Variants in CNTNAP2 observed in about 807,000 individuals in gnomAD.
CNTNAP2 encodes contactin associated protein 2, also known as contactin-associated protein-like 2.
CNTNAP2 carries 98 observed loss-of-function variants against 155.2 expected under a neutral mutation model. That is an observed-to-expected ratio of 0.63 (90% confidence interval 0.54 to 0.75). CNTNAP2 has a LOEUF of 0.75. Among genes scored for constraint, CNTNAP2 ranks in the 30% least tolerant of loss-of-function variants. CNTNAP2 has a pLI of 0.00. For missense variants in CNTNAP2, 1,727 were observed against 1,688.1 expected (o/e 1.02, Z -0.40); for synonymous variants, 651 against 631.2 (o/e 1.03, Z -0.47).
At chr7:146,908,425 A>G (rs1309490367) in intron 3 of CNTNAP2, among the ~76,000 whole-genome samples, 3 of 145,966 alleles carry the variant, frequency 2.1e-5, no homozygotes, top group African/African-American at 7.6e-5. Context: ...AGCAAATGTA[A>G]AAGAACAGAA....
At chr7:148,119,034 C>T (rs1304912042) in intron 16 of CNTNAP2, among the ~76,000 whole-genome samples, 1 of 152,090 alleles carries the variant, frequency 6.6e-6, no homozygotes, top group Non-Finnish European at 1.5e-5. Flanking sequence ...ATCAGGGCCC[C>T]AATTCAGCTT....
chr7:148,108,766 C>T, intron 15 of CNTNAP2, among the ~76,000 whole-genome samples: 1 of 152,120 alleles, frequency 6.6e-6, no homozygotes, highest in Non-Finnish European at 1.5e-5. Flanking sequence ...AGTTGTATTG[C>T]ACAGCTTGGT....
At chr7:147,870,144 A>G (rs10233755) in intron 13 of CNTNAP2, among the ~76,000 whole-genome samples, 90,969 of 151,970 alleles carry the variant, frequency 0.6, 27,532 homozygotes, top group South Asian at 0.7. Flanking sequence ...CAAGACAAGA[A>G]TATATGTGCA....
intron 10 of CNTNAP2, among the ~76,000 whole-genome samples, chr7:147,461,168 A>AAAAC (rs983842132): frequency 2.8e-4 from 42 of 152,338 alleles, no homozygotes; most frequent in African/African-American, 9.4e-4. Flanking sequence ...AGTAATGACA[A>AAAAC]AAACAATAGA....
rs1481632043 is a variant in CNTNAP2 at position 147,319,842 on chromosome 7, A to G, written c.1498+19552A>G. Among the ~76,000 whole-genome samples, 4 of 152,206 alleles carry G rather than the reference A, an allele frequency of 2.6e-5. No individual in the cohort carries two copies. In the East Asian group the frequency reaches 5.8e-4, roughly 22 times the overall value. On this transcript the variant is annotated intron_variant, in intron 9 of 23. Coordinates refer to ENST00000361727, the MANE Select transcript of CNTNAP2 (RefSeq NM_014141.6). ...ATTTAAACTGGATGAAGGGGCTGGT[A>G]TGGCATTTTGTGGTTTCACGAAGTA... is the stretch of plus-strand genomic sequence containing the variant.
At chr7:148,108,976 A>G (rs921355996) in intron 15 of CNTNAP2, among the ~76,000 whole-genome samples, 1 of 152,170 alleles carries the variant, frequency 6.6e-6, no homozygotes, top group Non-Finnish European at 1.5e-5. Context: ...TCAATTTATG[A>G]TTTCTAAAAA....
intron 21 of CNTNAP2, among the ~76,000 whole-genome samples, chr7:148,327,662 A>G (rs1427288761): frequency 6.6e-6 from 1 of 152,216 alleles, no homozygotes. Flanking sequence ...AAGTGGGATT[A>G]TGTGTCTCCT....
At chr7:148,144,869 C>A (rs1296525434) in intron 16 of CNTNAP2, among the ~76,000 whole-genome samples, 2 of 152,132 alleles carry the variant, frequency 1.3e-5, no homozygotes, top group Admixed American at 6.5e-5. Flanking sequence ...TATTCGCTCA[C>A]TCTCTCTATA....
intron 3 of CNTNAP2, among the ~76,000 whole-genome samples, chr7:147,023,422 A>G (rs961242441): frequency 6.6e-6 from 1 of 152,192 alleles, no homozygotes; most frequent in Non-Finnish European, 1.5e-5. Context: ...AAGACTTTAG[A>G]GAGATGCCGT....
chr7:146,335,891 T>C lies in CNTNAP2; in HGVS notation c.97+218918T>C, dbSNP rs1801265981. ...AACAAGGAACACAAAATTAAAAATATAAAACATGATATAAAAGTAAATATT... is the reference window on the plus strand; with the variant it reads ...AACAAGGAACACAAAATTAAAAATACAAAACATGATATAAAAGTAAATATT... On this transcript the variant is annotated intron_variant, in intron 1 of 23. Transcript: ENST00000361727. 5.3e-5 allele frequency among the ~76,000 whole-genome samples: 8 copies of C among 151,970 alleles called. 1 individual carries two copies. Among genetic ancestry groups the C allele is most frequent in the Admixed American group, 3.9e-4 (6 of 15,260 alleles).
At chr7:148,183,574 T>C (rs986972627) in intron 18 of CNTNAP2, among the ~76,000 whole-genome samples, 1 of 146,486 alleles carries the variant, frequency 6.8e-6, no homozygotes, top group Non-Finnish European at 1.5e-5. Flanking sequence ...CTCGACCTCC[T>C]GGGCTCAAGT....
chr7:146,707,887 G>A (rs1426300635), intron 1 of CNTNAP2, among the ~76,000 whole-genome samples: 1 of 152,090 alleles, frequency 6.6e-6, no homozygotes. Flanking sequence ...TGATGGAGAA[G>A]TATGTAGGGT....
intron 14 of CNTNAP2, among the ~76,000 whole-genome samples, chr7:147,937,546 C>T (rs922015637): frequency 1.3e-5 from 2 of 152,084 alleles, no homozygotes; most frequent in African/African-American, 4.8e-5. Context: ...AGTTCTGTCT[C>T]TTGGTGCCCT....
chr7:147,561,151 C>A (rs1800056371), intron 11 of CNTNAP2, among the ~76,000 whole-genome samples: 1 of 151,982 alleles, frequency 6.6e-6, no homozygotes, highest in Non-Finnish European at 1.5e-5. Flanking sequence ...TTAATTAGTA[C>A]AATATAAGCT....
At chr7:148,177,889 G>A (rs1454966531) in intron 18 of CNTNAP2, among the ~76,000 whole-genome samples, 7 of 103,168 alleles carry the variant, frequency 6.8e-5, no homozygotes, top group Admixed American at 6.1e-4. Context: ...GAATTGAACA[G>A]ACACTGTTTT....
At chr7:147,474,553 A>C (rs1467421461) in intron 10 of CNTNAP2, among the ~76,000 whole-genome samples, 2 of 152,174 alleles carry the variant, frequency 1.3e-5, no homozygotes, top group Non-Finnish European at 2.9e-5. Flanking sequence ...ATTGCACTCC[A>C]GCCTGGGGAA....
At chr7:147,950,809 C>G (rs750763815) in intron 14 of CNTNAP2, among the ~76,000 whole-genome samples, 3 of 152,192 alleles carry the variant, frequency 2.0e-5, no homozygotes, top group Non-Finnish European at 4.4e-5. Context: ...AAGTTGTTGT[C>G]CCTGTATTGG....
chr7:146,510,730 T>C (rs1202632991), intron 1 of CNTNAP2, among the ~76,000 whole-genome samples: 1 of 152,132 alleles, frequency 6.6e-6, no homozygotes, highest in Non-Finnish European at 1.5e-5. Flanking sequence ...GGTATTTTTT[T>C]TTTCTTGTAG....
chr7:147,323,078 A>T (rs1795383795), intron 9 of CNTNAP2, among the ~76,000 whole-genome samples: 2 of 25,740 alleles, frequency 7.8e-5, no homozygotes, highest in African/African-American at 2.6e-4. Flanking sequence ...TATTTCCTTC[A>T]GTTCTGCTCT....
Sources: allele counts gnomAD v4.1 joint callset (sites outside exome capture counted in the v4.1 genomes callset), GRCh38; gene constraint gnomAD v4.1.1; transcripts MANE v1.5; gene names NCBI Gene and HGNC (gene_info 2026-07-23, HGNC 2026-07-21).